LRBA: variants seen among roughly 807,000 people sequenced by gnomAD.
The protein encoded by LRBA is LPS responsive beige-like anchor protein, also known as lipopolysaccharide-responsive and beige-like anchor protein.
LRBA carries 176 observed loss-of-function variants against 330.0 expected under a neutral mutation model. The observed-to-expected ratio is 0.53, with a 90% CI of 0.47 to 0.60. The LOEUF (loss-of-function observed/expected upper bound fraction) is 0.60, where lower values mean the gene tolerates loss of function less well. LRBA is among the 20% of genes least tolerant of loss of function. LRBA has a pLI of 0.00. For missense variants in LRBA, 3,259 were observed against 3,444.8 expected (o/e 0.95, Z 1.35); for synonymous variants, 1,230 against 1,193.0 (o/e 1.03, Z -0.64).
intron 42 of LRBA, among the ~76,000 whole-genome samples, chr4:150,486,813 C>G (rs559156936): frequency 7.4e-4 from 113 of 151,880 alleles, no homozygotes; most frequent in African/African-American, 2.7e-3. Context: ...AACCTCTACC[C>G]TTGGTAACCA....
At chr4:150,797,622 T>C (rs1449158335) in intron 34 of LRBA, among the ~76,000 whole-genome samples, 3 of 152,086 alleles carry the variant, frequency 2.0e-5, no homozygotes, top group Non-Finnish European at 4.4e-5. Context: ...CACATTTTTG[T>C]TAATGTTTTC....
Position 150,321,594 on chromosome 4 carries a change from A to C in LRBA, c.7453-226T>G, listed in dbSNP as rs1732522804. Among the ~76,000 whole-genome samples the C allele has an allele frequency of 6.6e-6, 1 of 152,206 alleles. No individual in the cohort carries two copies. The highest frequency in any genetic ancestry group is 2.1e-4 in the South Asian group (1 of 4,830). On this transcript the variant is annotated intron_variant, in intron 49 of 56. Coordinates refer to ENST00000651943, the MANE Select transcript of LRBA (RefSeq NM_001364905.1). This position sits in a 1 kb window ranked among gnomAD's most constrained non-coding sequence, Gnocchi z 4.5. ...TGGAATTTTGGGGGACTGAAGTAGA[A>C]TACATTAACAGAAACACTTTAAAAT...
chr4:150,908,412 C>T lies in LRBA; in HGVS notation c.1415G>A (p.Gly472Glu). Residue 472 changes from glycine to glutamate, a missense_variant, in exon 11 of 57, where the codon GGA becomes GAA. Gly to Glu is a moderately conservative substitution (Grantham distance 98). Coordinates refer to ENST00000651943, the MANE Select transcript of LRBA (RefSeq NM_001364905.1). ...AAAAAGTGGAAATAGTACTTGTACT[C>T]CTCCAATTGAATGCATTGCACTTTG... is the stretch of plus-strand genomic sequence containing the variant. The part of the protein sequence containing the change: ...SIQSAMHSIG[G>E]VQVLFPLFAQ... 2 of 1,610,106 alleles carry T rather than the reference C, an allele frequency of 1.2e-6. No homozygotes were observed. The highest frequency in any genetic ancestry group is 1.7e-6 in the Non-Finnish European group (2 of 1,178,944).
intron 40 of LRBA, among the ~76,000 whole-genome samples, chr4:150,576,088 T>C (rs1372677995): frequency 6.6e-6 from 1 of 150,968 alleles, no homozygotes; most frequent in East Asian, 1.9e-4. Flanking sequence ...AATAGTGACT[T>C]ATGAAAGTCA....
At chr4:150,414,622 C>T (rs1274287763) in intron 47 of LRBA, among the ~76,000 whole-genome samples, 1 of 152,094 alleles carries the variant, frequency 6.6e-6, no homozygotes, top group Non-Finnish European at 1.5e-5. Flanking sequence ...TCCCAAGTAG[C>T]TGGGATTACA....
At chr4:150,295,531 G>A (rs1728877798) in intron 53 of LRBA, among the ~76,000 whole-genome samples, 1 of 152,094 alleles carries the variant, frequency 6.6e-6, no homozygotes, top group Non-Finnish European at 1.5e-5. Flanking sequence ...TATCAAGGTA[G>A]TACATGCTCA....
At chr4:150,524,007 T>C (rs1763201656) in intron 40 of LRBA, among the ~76,000 whole-genome samples, 1 of 152,210 alleles carries the variant, frequency 6.6e-6, no homozygotes, top group Non-Finnish European at 1.5e-5. Context: ...CTACATGTTG[T>C]TGTCTTACTT....
chr4:150,863,925 CACTT>C (rs1752330414), intron 22 of LRBA, among the ~76,000 whole-genome samples: 2 of 151,882 alleles, frequency 1.3e-5, no homozygotes, highest in Admixed American at 1.3e-4. Flanking sequence ...GGTCTCATGA[CACTT>C]TATTTATTTA....
At chr4:150,937,702 T>C (rs1735233490) in intron 2 of LRBA, among the ~76,000 whole-genome samples, 1 of 152,134 alleles carries the variant, frequency 6.6e-6, no homozygotes, top group South Asian at 2.1e-4. Flanking sequence ...ATGCTTTCTA[T>C]AGGTTATACT....
rs961290939 is a variant in LRBA, at chr4:150,347,187, G to A, written c.7362+2805C>T. On this transcript the variant is annotated intron_variant, in intron 48 of 56. Transcript: ENST00000651943. ...GTAGTCAAATTTATAGAGATAAAAA[G>A]TAGCATTGTAATTGTACAGGGACTG... 2.0e-5 allele frequency among the ~76,000 whole-genome samples: 3 copies of A among 152,172 alleles called. No individual in the cohort carries two copies. The South Asian group carries it at 6.2e-4, about 32-fold the overall frequency.
At chr4:150,529,149 T>C (rs1297079828) in intron 40 of LRBA, among the ~76,000 whole-genome samples, 2 of 152,236 alleles carry the variant, frequency 1.3e-5, no homozygotes, top group African/African-American at 4.8e-5. Flanking sequence ...TGACTCTGTT[T>C]ATGGATCCTA....
chr4:150,386,782 G>GT (rs1257194445), intron 47 of LRBA, among the ~76,000 whole-genome samples: 1 of 152,154 alleles, frequency 6.6e-6, no homozygotes, highest in African/African-American at 2.4e-5. Context: ...TATATACCCA[G>GT]TAATGGGATT....
At chr4:150,302,186 G>A (rs947779055) in intron 53 of LRBA, among the ~76,000 whole-genome samples, 101 of 152,164 alleles carry the variant, frequency 6.6e-4, no homozygotes, top group African/African-American at 2.4e-3. Flanking sequence ...GGCCTTTTAT[G>A]ACCTGTTTTA....
At chr4:150,299,756 A>G (rs528829311) in intron 53 of LRBA, among the ~76,000 whole-genome samples, 1 of 152,152 alleles carries the variant, frequency 6.6e-6, no homozygotes, top group African/African-American at 2.4e-5. Flanking sequence ...AAAATGCAGA[A>G]AAAGCAATAA....
At chr4:150,388,569 C>A (rs1361337772) in intron 47 of LRBA, among the ~76,000 whole-genome samples, 1 of 152,106 alleles carries the variant, frequency 6.6e-6, no homozygotes, top group East Asian at 1.9e-4. Context: ...TTATTTGTTT[C>A]CAAAATACAG....
At chr4:150,578,384 T>A (rs1369997272) in intron 40 of LRBA, among the ~76,000 whole-genome samples, 1 of 152,190 alleles carries the variant, frequency 6.6e-6, no homozygotes, top group East Asian at 1.9e-4. Context: ...ATTATAAAAA[T>A]TTCCTTAAAA....
At chr4:150,400,783 T>C (rs2151926870) in intron 47 of LRBA, among the ~76,000 whole-genome samples, 1 of 152,222 alleles carries the variant, frequency 6.6e-6, no homozygotes, top group South Asian at 2.1e-4. Flanking sequence ...GAGACTGTAG[T>C]AGGCTATGAT....
intron 40 of LRBA, among the ~76,000 whole-genome samples, chr4:150,553,259 T>C (rs540693306): frequency 9.2e-5 from 14 of 151,704 alleles, no homozygotes; most frequent in Admixed American, 4.6e-4. Context: ...TAGGTGGGAA[T>C]TGAACAATGA....
intron 13 of LRBA, 50 bp from the exon 14 acceptor site, chr4:150,900,267 G>A: frequency 7.2e-7 from 1 of 1,385,416 alleles, no homozygotes; most frequent in East Asian, 2.3e-5. Flanking sequence ...CATTTTATCT[G>A]TTTCCAGTAA....
Sources: allele counts gnomAD v4.1 joint callset (sites outside exome capture counted in the v4.1 genomes callset), GRCh38; gene constraint gnomAD v4.1.1; non-coding constraint Gnocchi (gnomAD v3.1); transcripts MANE v1.5; gene names NCBI Gene and HGNC (gene_info 2026-07-23, HGNC 2026-07-21).